Variants in USP48 observed in about 807,000 individuals in gnomAD.
USP48 encodes the protein ubiquitin specific peptidase 48, also known as ubiquitin carboxyl-terminal hydrolase 48.
In USP48, 43 loss-of-function variants were observed where a neutral mutation model predicts 150.7. The observed-to-expected ratio is 0.29, with a 90% CI of 0.22 to 0.37. The LOEUF is 0.37. USP48 is among the 10% of genes least tolerant of loss of function. USP48 has a pLI of 1.00. For synonymous variants in USP48, 396 were observed against 425.9 expected, an observed-to-expected ratio of 0.93 and a Z score of 0.86; for missense variants, 813 against 1,249.6, an observed-to-expected ratio of 0.65 and a Z score of 5.27.
chr1:21,701,377 AAAAAG>A, intron 22 of USP48, 116 bp downstream of exon 22: 2 of 729,756 alleles, frequency 2.7e-6, no homozygotes, highest in South Asian at 1.9e-5. Context: ...AAAAAAAAAA[AAAAAG>A]AAAAAAAAAG....
At chr1:21,685,031 G>A (rs1156945424) in intron 25 of USP48, among the ~76,000 whole-genome samples, 1 of 152,134 alleles carries the variant, frequency 6.6e-6, no homozygotes, top group African/African-American at 2.4e-5. Context: ...GTCTTTTGTG[G>A]TTCCATATGA....
intron 1 of USP48, among the ~76,000 whole-genome samples, chr1:21,771,232 G>C (rs1489993243): frequency 6.6e-6 from 1 of 151,820 alleles, no homozygotes; most frequent in Non-Finnish European, 1.5e-5. Flanking sequence ...AAAGTAGCCG[G>C]GAGTGGTGGT....
intron 15 of USP48, among the ~76,000 whole-genome samples, chr1:21,712,575 C>T (rs1160067844): frequency 2.0e-5 from 3 of 151,350 alleles, no homozygotes; most frequent in African/African-American, 4.9e-5. Flanking sequence ...TTACCCTGGA[C>T]GCATGGTATG....
chr1:21,724,229 A>T (rs2097730133), intron 11 of USP48, 134 bp from the exon 12 acceptor site: 1 of 902,326 alleles, frequency 1.1e-6, no homozygotes, highest in Admixed American at 2.1e-5. Context: ...TGTCTGGGGG[A>T]AGATGTTTGA....
At chr1:21,722,690 CA>C (rs1267905914) in intron 12 of USP48, among the ~76,000 whole-genome samples, 2 of 151,836 alleles carry the variant, frequency 1.3e-5, no homozygotes, top group African/African-American at 2.4e-5. Context: ...ACAGAAAATA[CA>C]AAACTTAACC....
At chr1:21,778,712 A>G (rs370933663) in intron 1 of USP48, among the ~76,000 whole-genome samples, 1 of 151,868 alleles carries the variant, frequency 6.6e-6, no homozygotes, top group African/African-American at 2.4e-5. Context: ...AAGGAGTTCA[A>G]GACCAGCTTG....
rs1309477480 is a variant in USP48, at chr1:21,701,547, T to A, written c.2678A>T (p.Asp893Val). 1 of 1,613,902 alleles carries A rather than the reference T, an allele frequency of 6.2e-7. No homozygotes were observed. Among genetic ancestry groups the A allele is most frequent in the Non-Finnish European group, 8.5e-7 (1 of 1,179,950 alleles). ...LNVSSSETEE[D>V]KEEAKPDGEK... is the part of the protein sequence containing the mutation. ...TCCATCTGGTTTAGCTTCTTCCTTG[T>A]CCTCCTCTGTTTCAGAACTACTCAC... The change falls in exon 22 of 27, where the codon GAC becomes GTC. Residue 893 changes from aspartate (D) to valine (V), a missense_variant. Asp to Val is a radical substitution (Grantham distance 152). Coordinates refer to ENST00000308271, the MANE Select transcript of USP48 (RefSeq NM_032236.8).
rs2097729285 is a variant in USP48 at position 21,724,002 on chromosome 1, G to C, written c.1544C>G (p.Ser515Cys). The C allele has an allele frequency of 5.0e-6, 8 of 1,614,000 alleles. No homozygotes were observed. The highest frequency in any genetic ancestry group is 1.3e-5 in the African/African-American group (1 of 74,918). ...TTTATCCGGGTGAAGCTTGTCATGG[G>C]AACACAGGCAAGCGTGATTATCAAT... ...KPIDNHACLC[S>C]HDKLHPDKIS... The change falls in exon 12 of 27, where the codon TCC becomes TGC. Residue 515 changes from serine (S) to cysteine (C), a missense_variant. Physicochemically the swap from Ser to Cys is moderately radical, Grantham distance 112. Coordinates refer to ENST00000308271, the MANE Select transcript of USP48 (RefSeq NM_032236.8).
intron 1 of USP48, among the ~76,000 whole-genome samples, chr1:21,777,532 G>C (rs57848432): frequency 0.11 from 17,368 of 151,944 alleles, 1,193 homozygotes; most frequent in African/African-American, 0.18. Context: ...GCTGGGTGTG[G>C]TGGTACAACT....
rs2097721307 is a variant in USP48 at position 21,721,717 on chromosome 1, G to A, written c.1696C>T (p.Arg566Cys). The A allele has an allele frequency of 6.2e-7, 1 of 1,608,032 alleles. No individual in the cohort carries two copies. The highest frequency in any genetic ancestry group is 1.7e-5 in the Admixed American group (1 of 59,374). ...TCTTCATTTAGTTGGTTCTTCAGAC[G>A]CAATATGCGACAACGTTCTACTACA... ...ECVVERCRIL[R>C]LKNQLNEDYK... is the part of the protein sequence containing the mutation. The change falls in exon 13 of 27, where the codon CGT becomes TGT. Residue 566 changes from arginine to cysteine, a missense_variant. By Grantham distance (180) the Arg-to-Cys change is radical (BLOSUM62 -3). Transcript: ENST00000308271.
At chr1:21,733,721 G>C (rs936078838) in intron 9 of USP48, among the ~76,000 whole-genome samples, 4 of 151,478 alleles carry the variant, frequency 2.6e-5, no homozygotes, top group Non-Finnish European at 5.9e-5. Context: ...AATGTAGATA[G>C]ATTTTAAAAA....
At chr1:21,739,960 G>A (rs2097777536) in intron 8 of USP48, among the ~76,000 whole-genome samples, 3 of 152,118 alleles carry the variant, frequency 2.0e-5, no homozygotes, top group African/African-American at 7.2e-5. Context: ...TGCCCAGGCT[G>A]GAGCGCAATG....
chr1:21,700,077 G>A (rs1479977862), intron 22 of USP48, among the ~76,000 whole-genome samples: 1 of 150,692 alleles, frequency 6.6e-6, no homozygotes, highest in South Asian at 2.1e-4. Context: ...TCTTTACCCT[G>A]TTCCTTATGC....
Position 21,772,912 on chromosome 1 carries a change from ACT to A in USP48, c.134+9910_134+9911del, listed in dbSNP as rs1478242721. 7.1e-4 allele frequency among the ~76,000 whole-genome samples: 105 copies of A among 148,864 alleles called. 1 individual carries two copies. The highest frequency in any genetic ancestry group is 4.4e-3 in the Admixed American group (65 of 14,708). On this transcript the variant is annotated intron_variant, in intron 1 of 26. Coordinates refer to ENST00000308271, the MANE Select transcript of USP48 (RefSeq NM_032236.8). ...ACTCCAGCCTGGGAAACAGAGCAAG[ACT>A]CTGTCTCAAAAAAAAAAAACCAAGA...
At position 21,701,517 on chromosome 1, in the gene USP48, T is replaced by C. The variant is rs1391381817; in HGVS notation, c.2708A>G (p.Lys903Arg). The change falls in exon 22 of 27, where the codon AAA (lysine) becomes AGA (arginine). Residue 903 changes from lysine to arginine, a missense_variant. Coordinates refer to ENST00000308271, the MANE Select transcript of USP48 (RefSeq NM_032236.8). ...ACATACTTGATTAAAATCTGGATCT[T>C]TTTCTCCATCTGGTTTAGCTTCTTC... ...DKEEAKPDGEKDPDFNQSNGG... is the reference protein window; with the variant it reads ...DKEEAKPDGERDPDFNQSNGG... 1.2e-6 allele frequency: 2 copies of C among 1,613,936 alleles called. No homozygotes were observed. Among genetic ancestry groups the C allele is most frequent in the Non-Finnish European group, 1.7e-6 (2 of 1,179,872 alleles).
At chr1:21,767,497 G>T (rs766182574) in intron 1 of USP48, among the ~76,000 whole-genome samples, 1 of 151,800 alleles carries the variant, frequency 6.6e-6, no homozygotes, top group Non-Finnish European at 1.5e-5. Context: ...GCTAATTTTT[G>T]TATTTTTAGT....
At chr1:21,750,118 A>T (rs1195375869) in intron 6 of USP48, among the ~76,000 whole-genome samples, 3 of 152,138 alleles carry the variant, frequency 2.0e-5, no homozygotes, top group Non-Finnish European at 2.9e-5. Flanking sequence ...CACACAGAGT[A>T]AAAGTCAAAC....
chr1:21,678,627 G>A lies in USP48; in HGVS notation c.*790C>T, dbSNP rs1571645081. 2 of 152,272 alleles carry A rather than the reference G, an allele frequency of 1.3e-5. No individual in the cohort carries two copies. Among genetic ancestry groups the A allele is most frequent in the South Asian group, 4.1e-4 (2 of 4,824 alleles). 9.4% of individuals were successfully genotyped at this position (152,272 alleles called of 1,614,324 possible). ...AGTCAGATTTTTTATTTTCAAACGT[G>A]CCAGGTACATTTCCCACTTTTGAAT... On this transcript the variant is annotated 3_prime_UTR_variant, in exon 27 of 27. Transcript: ENST00000308271.
At chr1:21,719,801 AG>A (rs2097715050) in intron 14 of USP48, among the ~76,000 whole-genome samples, 2 of 152,190 alleles carry the variant, frequency 1.3e-5, no homozygotes, top group Non-Finnish European at 2.9e-5. Flanking sequence ...CAGGAGGCAG[AG>A]GTTGCAGTGA....
Sources: gnomAD v4.1 joint callset for allele counts (sites outside exome capture counted in the v4.1 genomes callset) on GRCh38, gnomAD v4.1.1 for gene constraint, MANE v1.5 for transcripts, NCBI Gene and HGNC (gene_info 2026-07-23, HGNC 2026-07-21) for gene names.